FYN: variants seen among roughly 807,000 people sequenced by gnomAD.
FYN encodes the protein tyrosine-protein kinase Fyn.
A neutral mutation model predicts 70.2 loss-of-function variants in FYN; 10 were observed. The ratio of observed to expected loss-of-function variants is 0.14; its 90% CI spans 0.09 to 0.24. FYN has a LOEUF of 0.24. FYN is among the 10% of genes least tolerant of loss of function. FYN has a pLI of 1.00. For synonymous variants in FYN, 236 were observed against 248.6 expected (o/e 0.95, Z 0.48); for missense variants, 319 against 673.1 (o/e 0.47, Z 5.82).
intron 3 of FYN, among the ~76,000 whole-genome samples, chr6:111,734,474 GTCCT>G (rs1801615869): frequency 6.6e-6 from 1 of 152,172 alleles, no homozygotes; most frequent in Admixed American, 6.5e-5. Flanking sequence ...GAAGACCTAT[GTCCT>G]CCACTTTCCT....
At chr6:111,805,381 T>G (rs1772115141) in intron 2 of FYN, among the ~76,000 whole-genome samples, 1 of 152,220 alleles carries the variant, frequency 6.6e-6, no homozygotes, top group Admixed American at 6.5e-5. Context: ...ATACTTACAT[T>G]AAAAATTATA....
chr6:111,851,237 T>G (rs1339784692), intron 1 of FYN, among the ~76,000 whole-genome samples: 1 of 152,228 alleles, frequency 6.6e-6, no homozygotes, highest in Non-Finnish European at 1.5e-5. Flanking sequence ...TATCAGCCAG[T>G]GCTATGTGTA....
chr6:111,846,160 T>A (rs1001710158), intron 2 of FYN, among the ~76,000 whole-genome samples: 6 of 151,966 alleles, frequency 3.9e-5, no homozygotes, highest in Non-Finnish European at 8.8e-5. Context: ...CAGGCAGAGG[T>A]GAGCAGCAGC....
At chr6:111,682,286 C>T (rs1328706946) in intron 12 of FYN, among the ~76,000 whole-genome samples, 2 of 152,210 alleles carry the variant, frequency 1.3e-5, no homozygotes, top group East Asian at 3.8e-4. Context: ...TTTCATACGA[C>T]AGCACAGCCT....
chr6:111,844,625 C>T (rs952732799), intron 2 of FYN, among the ~76,000 whole-genome samples: 4 of 152,224 alleles, frequency 2.6e-5, no homozygotes, highest in Non-Finnish European at 5.9e-5. Context: ...CTCAGACTCA[C>T]TCCATCCAAG....
chr6:111,730,763 A>C (rs1373675698), intron 3 of FYN, among the ~76,000 whole-genome samples: 1 of 152,212 alleles, frequency 6.6e-6, no homozygotes, highest in African/African-American at 2.4e-5. Flanking sequence ...GGCACAGAAG[A>C]GATGTTTCTT....
intron 13 of FYN, among the ~76,000 whole-genome samples, chr6:111,669,545 C>G (rs1459286897): frequency 6.6e-6 from 1 of 151,686 alleles, no homozygotes; most frequent in Non-Finnish European, 1.5e-5. Context: ...AGCCAGGACA[C>G]TCTGCCTAGA....
chr6:111,707,134 G>C (rs1320602316), intron 6 of FYN, among the ~76,000 whole-genome samples: 2 of 152,198 alleles, frequency 1.3e-5, no homozygotes, highest in Admixed American at 6.5e-5. Context: ...AGAGAGGCAA[G>C]ACCCAAGGTG....
chr6:111,759,241 G>A (rs1363584353), intron 3 of FYN: 1 of 152,104 alleles, frequency 6.6e-6, no homozygotes, highest in African/African-American at 2.4e-5. Context: ...TCTGGCTTCT[G>A]GCACAGGTCT....
chr6:111,820,380 A>G (rs886318789), intron 2 of FYN, among the ~76,000 whole-genome samples: 2 of 152,196 alleles, frequency 1.3e-5, no homozygotes, highest in African/African-American at 4.8e-5. Context: ...CAACTAGCCA[A>G]TATTTCTCCT....
At chr6:111,870,566 A>C (rs57945081) in intron 1 of FYN, among the ~76,000 whole-genome samples, 7,208 of 152,302 alleles carry the variant, frequency 0.047, 331 homozygotes, top group East Asian at 0.23. Flanking sequence ...GTAGGAAACA[A>C]GATAAGTAAG....
In FYN at chr6:111,664,089, G is replaced by A. The variant is rs78365838; in HGVS notation, c.1406-2142C>T. On this transcript the variant is annotated intron_variant, in intron 13 of 13. Coordinates refer to ENST00000354650, the MANE Select transcript of FYN (RefSeq NM_002037.5). ...CTGTTTTTATTTCTTCATACATATT[G>A]CCCAGAAAGATTAGGAAGAGTGTGT... Among the ~76,000 whole-genome samples, 19 of 152,286 alleles carry A rather than the reference G, an allele frequency of 1.2e-4. No homozygotes were observed. The East Asian group carries it at 3.7e-3, about 29-fold the overall frequency.
chr6:111,817,401 T>G (rs1772522989), intron 2 of FYN, among the ~76,000 whole-genome samples: 1 of 152,216 alleles, frequency 6.6e-6, no homozygotes, highest in South Asian at 2.1e-4. Context: ...ACTATCGTAC[T>G]AAAAGTCCTC....
intron 12 of FYN, among the ~76,000 whole-genome samples, chr6:111,680,664 T>C (rs1223415250): frequency 6.6e-6 from 1 of 152,210 alleles, no homozygotes; most frequent in Non-Finnish European, 1.5e-5. Flanking sequence ...TATCAGCAAT[T>C]AGCAATTGGG....
chr6:111,833,720 T>C (rs140685124), intron 2 of FYN, among the ~76,000 whole-genome samples: 2 of 152,350 alleles, frequency 1.3e-5, no homozygotes, highest in African/African-American at 4.8e-5. Context: ...AAAGTTAATG[T>C]TTTTTCGTGC....
At chr6:111,684,185 T>G (rs906846682) in intron 12 of FYN, among the ~76,000 whole-genome samples, 1 of 152,044 alleles carries the variant, frequency 6.6e-6, no homozygotes, top group African/African-American at 2.4e-5. Flanking sequence ...CCACCGGGGA[T>G]GTGAGTGGAG....
chr6:111,790,101 G>A (rs1468142227), intron 2 of FYN, among the ~76,000 whole-genome samples: 2 of 151,994 alleles, frequency 1.3e-5, no homozygotes. Context: ...CTGTGTGTGT[G>A]TGTGTGTGTC....
chr6:111,810,224 G>T lies in FYN; in HGVS notation c.-81-29589C>A, dbSNP rs371660592. 5.1e-4 allele frequency among the ~76,000 whole-genome samples: 78 copies of T among 152,246 alleles called. 1 individual carries two copies. In the South Asian group the frequency reaches 0.015, roughly 29 times the overall value. On this transcript the variant is annotated intron_variant, in intron 2 of 13. Transcript: ENST00000354650. ...AAAATATGGGAATATACATCATGAGGGTAAGGTAAAGGTGGTCTCCTTGTC... is the reference window on the plus strand; with the variant it reads ...AAAATATGGGAATATACATCATGAGTGTAAGGTAAAGGTGGTCTCCTTGTC...
intron 2 of FYN, among the ~76,000 whole-genome samples, chr6:111,822,703 A>G (rs1284596833): frequency 1.3e-5 from 2 of 151,860 alleles, no homozygotes; most frequent in African/African-American, 4.8e-5. Context: ...TAAAAAATAA[A>G]AAAAGAAAGA....
Sources: gnomAD v4.1 joint callset for allele counts (sites outside exome capture counted in the v4.1 genomes callset) on GRCh38, gnomAD v4.1.1 for gene constraint, MANE v1.5 for transcripts, NCBI Gene and HGNC (gene_info 2026-07-23, HGNC 2026-07-21) for gene names.